PDZRN4: variants seen among roughly 807,000 people sequenced by gnomAD.
PDZRN4 encodes PDZ domain-containing RING finger protein 4.
Under a neutral mutation model 99.0 loss-of-function variants are expected in PDZRN4, and 70 were observed. The observed-to-expected ratio is 0.71, with a 90% confidence interval of 0.58 to 0.86. The LOEUF is 0.86. Ranked by LOEUF, PDZRN4 falls within the 40% of genes least tolerant of loss-of-function variation. PDZRN4 has a pLI of 0.00. For synonymous variants in PDZRN4, 551 were observed against 501.6 expected (o/e 1.10, Z -1.32); for missense variants, 1,474 against 1,331.2 (o/e 1.11, Z -1.67).
intron 3 of PDZRN4, among the ~76,000 whole-genome samples, chr12:41,304,338 A>G (rs1021426753): frequency 2.0e-5 from 3 of 152,154 alleles, no homozygotes; most frequent in African/African-American, 7.2e-5. Context: ...TCCTTGACTT[A>G]GTGCTTATCT....
intron 3 of PDZRN4, among the ~76,000 whole-genome samples, chr12:41,335,922 T>C (rs1951770484): frequency 6.6e-6 from 1 of 152,164 alleles, no homozygotes; most frequent in Admixed American, 6.6e-5. Flanking sequence ...GTCAGTGCAC[T>C]AAAATGAGAG....
chr12:41,270,311 G>GGTGTGTGT (rs376382425), intron 3 of PDZRN4, among the ~76,000 whole-genome samples: 17 of 145,102 alleles, frequency 1.2e-4, no homozygotes, highest in South Asian at 8.6e-4. Flanking sequence ...CTGTGTGTGT[G>GGTGTGTGT]GTGTGTGTGT....
chr12:41,536,285 A>G (rs554762777), intron 5 of PDZRN4, among the ~76,000 whole-genome samples: 68 of 152,346 alleles, frequency 4.5e-4, no homozygotes, highest in Non-Finnish European at 5.9e-5. Context: ...GCCATGAAAA[A>G]ACATGGAGCA....
chr12:41,314,078 T>G (rs1385369928), intron 3 of PDZRN4, among the ~76,000 whole-genome samples: 1 of 152,202 alleles, frequency 6.6e-6, no homozygotes, highest in Non-Finnish European at 1.5e-5. Context: ...GTTAATAATT[T>G]GATGGCTCTA....
chr12:41,407,826 A>G (rs1268135882), intron 3 of PDZRN4, among the ~76,000 whole-genome samples: 1 of 152,216 alleles, frequency 6.6e-6, no homozygotes, highest in Admixed American at 6.5e-5. Flanking sequence ...AGATGAGTCC[A>G]AGTTATCACG....
rs756232936 is a variant in PDZRN4 at position 41,572,454 on chromosome 12, G to T, written c.1675G>T (p.Asp559Tyr). 11 of 1,614,050 alleles carry T rather than the reference G, an allele frequency of 6.8e-6. No individual in the cohort carries two copies. The highest frequency in any genetic ancestry group is 1.7e-5 in the Admixed American group (1 of 60,010). ...HEKDSGVGRT[D>Y]ESLRNDESSE... ...GAAGGACAGTGGAGTAGGACGTACA[G>T]ATGAAAGCTTGCGAAATGATGAGAG... The change falls in exon 10 of 10, where the codon GAT (aspartate) becomes TAT (tyrosine). Residue 559 changes from aspartate to tyrosine, a missense_variant. Transcript: ENST00000402685.
At chr12:41,432,493 C>T (rs10880076) in intron 3 of PDZRN4, among the ~76,000 whole-genome samples, 79,171 of 151,990 alleles carry the variant, frequency 0.52, 21,333 homozygotes, top group African/African-American at 0.68. Flanking sequence ...TGCTGTCATC[C>T]CCCAGTTACA....
At chr12:41,504,636 G>T (rs1364999365) in intron 3 of PDZRN4, among the ~76,000 whole-genome samples, 3 of 152,124 alleles carry the variant, frequency 2.0e-5, no homozygotes, top group Non-Finnish European at 2.9e-5. Context: ...GACAGTAGTG[G>T]CCCCGGCCTG....
At position 41,573,506 on chromosome 12, in the gene PDZRN4, A is replaced by T; in HGVS notation, c.2727A>T (p.Arg909=). 2 of 1,614,054 alleles carry T rather than the reference A, an allele frequency of 1.2e-6. No individual in the cohort carries two copies. The highest frequency in any genetic ancestry group is 8.5e-7 in the Non-Finnish European group (1 of 1,179,992). ...RYITKRPVRD[R]ILKERALKIK... ...TCACAAAGAGACCCGTGCGAGACCG[A>T]ATCCTGAAGGAACGTGCCTTAAAGA... The change falls in exon 10 of 10, where the codon CGA becomes CGT. Residue 909 remains arginine (R), a synonymous_variant. Coordinates refer to ENST00000402685, the MANE Select transcript of PDZRN4 (RefSeq NM_001164595.2).
intron 3 of PDZRN4, among the ~76,000 whole-genome samples, chr12:41,357,804 A>G (rs75296753): frequency 8.5e-4 from 130 of 152,114 alleles, no homozygotes; most frequent in African/African-American, 3.0e-3. Flanking sequence ...AAAATGTTCC[A>G]GTACCCAGCT....
chr12:41,256,120 C>A (rs183521103), intron 3 of PDZRN4, among the ~76,000 whole-genome samples: 1 of 152,050 alleles, frequency 6.6e-6, no homozygotes, highest in East Asian at 1.9e-4. Context: ...CATTGACAGG[C>A]AAATGTGTAA....
intron 3 of PDZRN4, among the ~76,000 whole-genome samples, chr12:41,493,074 T>C (rs1415395046): frequency 1.3e-5 from 2 of 152,322 alleles, no homozygotes; most frequent in East Asian, 3.9e-4. Flanking sequence ...GAGCTCCTAA[T>C]ATTTTCAGCC....
intron 3 of PDZRN4, among the ~76,000 whole-genome samples, chr12:41,265,077 G>A (rs1951267362): frequency 6.6e-6 from 1 of 151,548 alleles, no homozygotes; most frequent in South Asian, 2.1e-4. Context: ...ACCTGCACAT[G>A]TACCCCCCAA....
chr12:41,561,134 C>CA (rs1939262572), intron 7 of PDZRN4, among the ~76,000 whole-genome samples: 1 of 151,886 alleles, frequency 6.6e-6, no homozygotes, highest in Non-Finnish European at 1.5e-5. Context: ...AACTAAAAGG[C>CA]AAAAAACCCC....
intron 3 of PDZRN4, among the ~76,000 whole-genome samples, chr12:41,339,756 G>A (rs1951802778): frequency 6.6e-6 from 1 of 151,842 alleles, no homozygotes; most frequent in African/African-American, 2.4e-5. Context: ...TTTAAAAATG[G>A]GCAAAAGGGC....
At chr12:41,516,908 C>T (rs1938409771) in intron 5 of PDZRN4, among the ~76,000 whole-genome samples, 1 of 151,756 alleles carries the variant, frequency 6.6e-6, no homozygotes, top group Non-Finnish European at 1.5e-5. Flanking sequence ...AGCAGAATTT[C>T]TTAAATTGAA....
chr12:41,552,817 T>G, intron 6 of PDZRN4, 63 bp downstream of exon 6: 1 of 1,288,244 alleles, frequency 7.8e-7, no homozygotes, highest in Non-Finnish European at 1.1e-6. Context: ...GCGAAATGAC[T>G]CACAATGAGA....
At chr12:41,498,471 A>G (rs535142793) in intron 3 of PDZRN4, among the ~76,000 whole-genome samples, 1 of 152,284 alleles carries the variant, frequency 6.6e-6, no homozygotes, top group Admixed American at 6.5e-5. Flanking sequence ...TTTCTGTGTC[A>G]TAACATGGTG....
intron 3 of PDZRN4, among the ~76,000 whole-genome samples, chr12:41,238,307 T>C (rs903646940): frequency 6.6e-6 from 1 of 152,114 alleles, no homozygotes; most frequent in African/African-American, 2.4e-5. Flanking sequence ...GCTAGTAATG[T>C]TTTGCACATC....
Sources: allele counts gnomAD v4.1 joint callset (sites outside exome capture counted in the v4.1 genomes callset), GRCh38; gene constraint gnomAD v4.1.1; transcripts MANE v1.5; gene names NCBI Gene and HGNC (gene_info 2026-07-23, HGNC 2026-07-21).